Variants in RIN3 observed in about 807,000 individuals in gnomAD.
RIN3 encodes Ras and Rab interactor 3, also known as RAB5 interacting protein 3.
In RIN3, 54 loss-of-function variants were observed where a neutral mutation model predicts 76.3. The ratio of observed to expected loss-of-function variants is 0.71; its 90% CI spans 0.57 to 0.89. The LOEUF is 0.89. RIN3 is among the 40% of genes least tolerant of loss of function. The pLI, the probability that RIN3 is intolerant of heterozygous loss-of-function variation, is 0.00. For synonymous variants in RIN3, 576 were observed against 564.0 expected (o/e 1.02, Z -0.30); for missense variants, 1,256 against 1,322.1 (o/e 0.95, Z 0.78).
Position 92,643,312 on chromosome 14 carries a change from A to G in RIN3, c.532+1983A>G, listed in dbSNP as rs1227806701. On this transcript the variant is annotated intron_variant, in intron 5 of 9. Transcript: ENST00000216487. The surrounding 1 kb of genome is among the most constrained non-coding windows in gnomAD (Gnocchi z 4.8). ...CATGATCCACCCACCTCGGCCTCCC[A>G]AAGTGCTGGGATTACAGGCGTGAGC... Among the ~76,000 whole-genome samples the G allele has an allele frequency of 6.6e-6, 1 of 151,942 alleles. No individual in the cohort carries two copies. Among genetic ancestry groups the G allele is most frequent in the African/African-American group, 2.4e-5 (1 of 41,368 alleles).
intron 2 of RIN3, among the ~76,000 whole-genome samples, chr14:92,567,480 T>C (rs567264036): frequency 1.3e-5 from 2 of 152,264 alleles, no homozygotes; most frequent in African/African-American, 4.8e-5. Flanking sequence ...TGTCTTGTGT[T>C]GGGTGCTGGC....
At chr14:92,589,576 C>T (rs1030823339) in intron 3 of RIN3, among the ~76,000 whole-genome samples, 82 of 152,160 alleles carry the variant, frequency 5.4e-4, no homozygotes, top group African/African-American at 2.0e-3. Context: ...CCTTTGCTTT[C>T]ATCAGTTGTG....
chr14:92,665,672 C>T (rs970060280), intron 7 of RIN3, among the ~76,000 whole-genome samples: 6 of 152,070 alleles, frequency 3.9e-5, no homozygotes, highest in South Asian at 2.1e-4. Context: ...TGAGCCACCG[C>T]GCCTGGACTC....
intron 2 of RIN3, among the ~76,000 whole-genome samples, chr14:92,572,566 G>T (rs1040002225): frequency 8.5e-5 from 13 of 152,172 alleles, no homozygotes; most frequent in African/African-American, 2.9e-4. Context: ...TGGTCAGGGA[G>T]GGGACTCTCC....
chr14:92,605,807 T>A (rs75662783), intron 3 of RIN3, among the ~76,000 whole-genome samples: 18,806 of 152,224 alleles, frequency 0.12, 1,493 homozygotes, highest in Non-Finnish European at 0.18. Flanking sequence ...GAGAGGACTT[T>A]GGCCTAGATA....
At position 92,641,223 on chromosome 14, in the gene RIN3, CTCGTG is replaced by C. The variant is rs1340967124; in HGVS notation, c.441-12_441-8del. The C allele has an allele frequency of 1.3e-6, 2 of 1,596,072 alleles. No homozygotes were observed. Among genetic ancestry groups the C allele is most frequent in the Admixed American group, 3.3e-5 (2 of 59,968 alleles). On this transcript the variant is annotated splice_polypyrimidine_tract_variant and intron_variant, in intron 4 of 9. Transcript: ENST00000216487. The stretch of plus-strand genomic sequence containing the variant: ...GTGGACCCAGACATGACTTCTGCCC[CTCGTG>C]TCTTCACAGAGACTTACTGCCCTTC...
intron 2 of RIN3, among the ~76,000 whole-genome samples, chr14:92,566,823 C>T (rs551495677): frequency 6.6e-6 from 1 of 152,302 alleles, no homozygotes; most frequent in East Asian, 1.9e-4. Flanking sequence ...CTTGAATGCC[C>T]ATCCCCTTTC....
rs1320370627 is a variant in RIN3, at chr14:92,567,712, G to C, written c.250-9648G>C. Among the ~76,000 whole-genome samples, 6 of 151,970 alleles carry C rather than the reference G, an allele frequency of 3.9e-5. No individual in the cohort carries two copies. In the South Asian group the frequency reaches 6.3e-4, roughly 16 times the overall value. On this transcript the variant is annotated intron_variant, in intron 2 of 9. Transcript: ENST00000216487. The stretch of plus-strand genomic sequence containing the variant: ...AAAATAGACTCCATCTCTTGATAGG[G>C]GGAGCAGCAAAGACTTTGTGGCTCT...
chr14:92,663,192 A>G (rs1887951944), intron 7 of RIN3, among the ~76,000 whole-genome samples: 1 of 152,240 alleles, frequency 6.6e-6, no homozygotes, highest in African/African-American at 2.4e-5. Flanking sequence ...ACATTGTGGA[A>G]TGACTAAAGC....
At chr14:92,668,973 C>T (rs150620330) in intron 7 of RIN3, among the ~76,000 whole-genome samples, 3 of 152,206 alleles carry the variant, frequency 2.0e-5, no homozygotes, top group Non-Finnish European at 4.4e-5. Context: ...TTCATTCAAC[C>T]GTTCAACAAA....
At chr14:92,562,531 T>G (rs138591552) in intron 2 of RIN3, among the ~76,000 whole-genome samples, 1 of 152,362 alleles carries the variant, frequency 6.6e-6, no homozygotes, top group African/African-American at 2.4e-5. Flanking sequence ...TATATCATTG[T>G]GGAATCAGGG....
chr14:92,519,040 A>G (rs1467012563), intron 1 of RIN3, among the ~76,000 whole-genome samples: 1 of 152,098 alleles, frequency 6.6e-6, no homozygotes, highest in Non-Finnish European at 1.5e-5. Flanking sequence ...AAAGAGCTCC[A>G]TGTTCTCAAG....
At chr14:92,566,352 C>T (rs1897916112) in intron 2 of RIN3, among the ~76,000 whole-genome samples, 1 of 152,218 alleles carries the variant, frequency 6.6e-6, no homozygotes, top group Non-Finnish European at 1.5e-5. Context: ...GCTCCAGACA[C>T]CTCACCCATT....
At chr14:92,577,993 AC>A (rs1167935868) in intron 3 of RIN3, among the ~76,000 whole-genome samples, 1 of 152,208 alleles carries the variant, frequency 6.6e-6, no homozygotes, top group Admixed American at 6.5e-5. Flanking sequence ...TAATTCCAAC[AC>A]TTCAGAAGGC....
intron 9 of RIN3, chr14:92,687,473 C>G (rs1043671286): frequency 6.1e-6 from 1 of 164,082 alleles, no homozygotes; most frequent in Non-Finnish European, 1.3e-5. Context: ...CTCTTGCAGC[C>G]CTAAGGGGCT....
chr14:92,609,843 CTGTG>C (rs34350495), intron 3 of RIN3, among the ~76,000 whole-genome samples: 31,541 of 137,892 alleles, frequency 0.23, 3,246 homozygotes, highest in African/African-American at 0.28. Context: ...GAAATTCAGT[CTGTG>C]TGTGTGTGTG....
At chr14:92,658,587 G>A (rs1887757781) in intron 6 of RIN3, among the ~76,000 whole-genome samples, 1 of 152,196 alleles carries the variant, frequency 6.6e-6, no homozygotes, top group African/African-American at 2.4e-5. Context: ...AGACTATAAG[G>A]GCCAGGGCAA....
At chr14:92,596,287 G>A (rs1338107204) in intron 3 of RIN3, among the ~76,000 whole-genome samples, 3 of 152,210 alleles carry the variant, frequency 2.0e-5, no homozygotes, top group Non-Finnish European at 2.9e-5. Flanking sequence ...TCAGCCTTCA[G>A]CCCCAGTTAT....
intron 2 of RIN3, among the ~76,000 whole-genome samples, chr14:92,560,826 C>G (rs1276271863): frequency 1.3e-5 from 2 of 151,224 alleles, no homozygotes; most frequent in Non-Finnish European, 2.9e-5. Flanking sequence ...CAAGACCAGC[C>G]TGGTCAACAT....
Sources: gnomAD v4.1 joint callset for allele counts (sites outside exome capture counted in the v4.1 genomes callset) on GRCh38, gnomAD v4.1.1 for gene constraint, Gnocchi (gnomAD v3.1) non-coding constraint, MANE v1.5 for transcripts, NCBI Gene and HGNC (gene_info 2026-07-23, HGNC 2026-07-21) for gene names.